UBFD1: variants seen among roughly 807,000 people sequenced by gnomAD.
UBFD1 encodes ubiquitin family domain containing 1, also known as ubiquitin domain-containing protein UBFD1.
In UBFD1, 12 loss-of-function variants were observed where a neutral mutation model predicts 35.1. The ratio of observed to expected loss-of-function variants is 0.34; its 90% CI spans 0.22 to 0.55. The LOEUF (loss-of-function observed/expected upper bound fraction) is 0.55. UBFD1 is among the 20% of genes least tolerant of loss of function. UBFD1 has a pLI of 0.89. For missense variants in UBFD1, 337 were observed against 410.8 expected (o/e 0.82, Z 1.55); for synonymous variants, 178 against 167.6 (o/e 1.06, Z -0.48).
intron 4 of UBFD1, 144 bp from the exon 5 acceptor site, chr16:23,562,481 T>G (rs1307470616): frequency 1.2e-6 from 1 of 817,850 alleles, no homozygotes; most frequent in African/African-American, 1.7e-5. Context: ...TTGCCCAGGC[T>G]AGTCTCCAAC....
chr16:23,558,076 G>A lies in UBFD1; in HGVS notation c.152G>A (p.Arg51Gln), dbSNP rs1369938606. The A allele has an allele frequency of 6.2e-6, 9 of 1,440,596 alleles. No individual in the cohort carries two copies. The African/African-American group carries it at 1.0e-4, about 17-fold the overall frequency. 89.2% of individuals were successfully genotyped at this position (1,440,596 alleles called of 1,614,324 possible). ...GCGGCCGAGGACTCCGGCGCCGCAC[G>A]AGGCAGCCTGCAGCCGGCCCCGGCC... ...GAAAEDSGAARGSLQPAPAQP... is the reference protein window; with the variant it reads ...GAAAEDSGAAQGSLQPAPAQP... The change falls in exon 2 of 7, where the codon CGA becomes CAA. Residue 51 changes from arginine (R) to glutamine (Q), a missense_variant. This residue lies in a region of UBFD1 where 198 missense variants were observed against 168.4 expected (regional missense o/e 1.18). Coordinates refer to ENST00000395878, the MANE Select transcript of UBFD1 (RefSeq NM_019116.3).
rs1966071367 is a variant in UBFD1 at position 23,570,692 on chromosome 16, A to G, written c.*102A>G. ...ATTTCAGAGTTCTGGAACTTTGTTC[A>G]TAAAAAATCTATATTCAATCTGAGG... On this transcript the variant is annotated 3_prime_UTR_variant, in exon 7 of 7. Coordinates refer to ENST00000395878, the MANE Select transcript of UBFD1 (RefSeq NM_019116.3). The G allele has an allele frequency of 2.1e-6, 2 of 954,444 alleles. No homozygotes were observed. Among genetic ancestry groups the G allele is most frequent in the Admixed American group, 2.4e-5 (1 of 41,400 alleles). The allele number at this position is 954,444 out of a possible 1,614,324, so 59.1% of individuals were successfully genotyped here.
chr16:23,562,093 TA>T, intron 3 of UBFD1, 112 bp from the exon 4 acceptor site: 1 of 944,600 alleles, frequency 1.1e-6, no homozygotes, highest in East Asian at 2.6e-5. Flanking sequence ...CTGTCGTCAT[TA>T]AAAGCTTTTG....
intron 3 of UBFD1, among the ~76,000 whole-genome samples, chr16:23,560,255 C>G (rs1567398068): frequency 6.6e-6 from 1 of 152,144 alleles, no homozygotes; most frequent in Non-Finnish European, 1.5e-5. Context: ...TGCAAGAGAT[C>G]CTGCCTTGTC....
chr16:23,562,677 A>G lies in UBFD1; in HGVS notation c.683A>G (p.Lys228Arg), dbSNP rs1358980540. The change falls in exon 5 of 7, where the codon AAA becomes AGA. Residue 228 changes from lysine to arginine, a missense_variant. Coordinates refer to ENST00000395878, the MANE Select transcript of UBFD1 (RefSeq NM_019116.3). ...LSGMYNKSGG[K>R]VRLTFKLEQD... ...GGCATGTACAATAAATCTGGAGGAA[A>G]AGTGAGACTCACCTTTAAACTAGAA... 2.5e-6 allele frequency: 4 copies of G among 1,614,182 alleles called. No homozygotes were observed. The highest frequency in any genetic ancestry group is 2.5e-6 in the Non-Finnish European group (3 of 1,180,030).
intron 1 of UBFD1, 25 bp from the exon 2 acceptor site, chr16:23,557,925 C>G: frequency 3.8e-6 from 5 of 1,303,120 alleles, no homozygotes; most frequent in Non-Finnish European, 4.9e-6. Flanking sequence ...CCGCGGCGAG[C>G]GCCCACCCCC....
At position 23,571,939 on chromosome 16, in the gene UBFD1, G is replaced by A. The variant is rs899719979; in HGVS notation, c.*1349G>A. On this transcript the variant is annotated 3_prime_UTR_variant, in exon 7 of 7. Coordinates refer to ENST00000395878, the MANE Select transcript of UBFD1 (RefSeq NM_019116.3). Reference sequence around the variant, plus strand: ...TGCTGTTTGCTGTTTCTCTGCTGCCGTCTTTGCAGTTCTCCTCTCACTGGT... The same window carrying A: ...TGCTGTTTGCTGTTTCTCTGCTGCCATCTTTGCAGTTCTCCTCTCACTGGT... The A allele has an allele frequency of 2.6e-5, 4 of 152,616 alleles. No homozygotes were observed. Among genetic ancestry groups the A allele is most frequent in the South Asian group, 2.1e-4 (1 of 4,830 alleles). 9.5% of individuals were successfully genotyped at this position (152,616 alleles called of 1,614,324 possible).
intron 2 of UBFD1, among the ~76,000 whole-genome samples, chr16:23,558,866 C>T (rs1412170598): frequency 6.6e-6 from 1 of 151,598 alleles, no homozygotes; most frequent in East Asian, 1.9e-4. Flanking sequence ...CTGCAGCCTC[C>T]GCCTCCCAGG....
chr16:23,559,724 C>T (rs1430443789), intron 3 of UBFD1, 48 bp downstream of exon 3: 7 of 1,611,112 alleles, frequency 4.3e-6, no homozygotes, highest in Non-Finnish European at 5.9e-6. Context: ...GAGGCTTTGT[C>T]CTCTTGAGCC....
rs1292058369 is a variant in UBFD1, at chr16:23,570,991, C to T, written c.*401C>T. ...TTTCAATTGAAATATTTTCATACATCTTTGGTTGCAAACATTTGGACTGCA... is the reference window on the plus strand; with the variant it reads ...TTTCAATTGAAATATTTTCATACATTTTTGGTTGCAAACATTTGGACTGCA... On this transcript the variant is annotated 3_prime_UTR_variant, in exon 7 of 7. Transcript: ENST00000395878. 6.7e-6 allele frequency: 1 copy of T among 149,174 alleles called. No individual in the cohort carries two copies. Among genetic ancestry groups the T allele is most frequent in the African/African-American group, 2.5e-5 (1 of 40,456 alleles). The allele number at this position is 149,174 out of a possible 1,614,324, so 9.2% of individuals were successfully genotyped here. A position where few individuals can be genotyped will look rare whatever the true frequency, so the allele number is the denominator to read the frequency against.
chr16:23,568,890 T>A (rs1966047610), intron 6 of UBFD1: 1 of 152,028 alleles, frequency 6.6e-6, no homozygotes, highest in Non-Finnish European at 1.5e-5. Flanking sequence ...CTGGGCCCCA[T>A]CACTCCTTTT....
intron 5 of UBFD1, among the ~76,000 whole-genome samples, 189 bp downstream of exon 5, chr16:23,562,919 C>T (rs1217479101): frequency 3.3e-5 from 5 of 152,206 alleles, no homozygotes; most frequent in African/African-American, 1.2e-4. Flanking sequence ...TCATTGTTTT[C>T]AGTCTGATCT....
intron 2 of UBFD1, chr16:23,559,193 T>C (rs1294006511): frequency 6.2e-6 from 2 of 320,618 alleles, no homozygotes; most frequent in African/African-American, 4.3e-5. Flanking sequence ...GAGCTAGTAC[T>C]TACTGAACAA....
At position 23,567,088 on chromosome 16, in the gene UBFD1, G is replaced by A. The variant is rs376987695; in HGVS notation, c.819+19G>A. 1 of 1,609,866 alleles carries A rather than the reference G, an allele frequency of 6.2e-7. No homozygotes were observed. The highest frequency in any genetic ancestry group is 8.5e-7 in the Non-Finnish European group (1 of 1,176,372). ...CATGATGGTAAGTAGCGCTGGCTGA[G>A]TTCAGCCCCTCTCACTAGACTCCCA... On this transcript the variant is annotated intron_variant, in intron 6 of 6. Transcript: ENST00000395878.
chr16:23,560,910 T>G (rs1965923573), intron 3 of UBFD1, among the ~76,000 whole-genome samples: 1 of 152,220 alleles, frequency 6.6e-6, no homozygotes, highest in Non-Finnish European at 1.5e-5. Context: ...TTGCCACATG[T>G]ATGAAATAGT....
In UBFD1 at chr16:23,570,675, GT is replaced by G. The variant is rs1331088833; in HGVS notation, c.*87del. Reference sequence around the variant, plus strand: ...GCCTGCAGCATCCCTGGATTTCAGAGTTCTGGAACTTTGTTCATAAAAAATC... The same window carrying G: ...GCCTGCAGCATCCCTGGATTTCAGAGTCTGGAACTTTGTTCATAAAAAATC... On this transcript the variant is annotated 3_prime_UTR_variant, in exon 7 of 7. Transcript: ENST00000395878. 6 of 1,125,702 alleles carry G rather than the reference GT, an allele frequency of 5.3e-6. No homozygotes were observed. Among genetic ancestry groups the G allele is most frequent in the Non-Finnish European group, 6.5e-6 (5 of 764,326 alleles). The allele number at this position is 1,125,702 out of a possible 1,614,324, so 69.7% of individuals were successfully genotyped here. A position where few individuals can be genotyped will look rare whatever the true frequency, so the allele number is the denominator to read the frequency against.
rs761098296 is a variant in UBFD1, at chr16:23,573,280, G to C, written c.*2690G>C. 6.6e-6 allele frequency: 1 copy of C among 152,230 alleles called. No individual in the cohort carries two copies. Among genetic ancestry groups the C allele is most frequent in the South Asian group, 2.1e-4 (1 of 4,834 alleles). 9.4% of individuals were successfully genotyped at this position (152,230 alleles called of 1,614,324 possible). A position where few individuals can be genotyped will look rare whatever the true frequency, so the allele number is the denominator to read the frequency against. On this transcript the variant is annotated 3_prime_UTR_variant, in exon 7 of 7. Coordinates refer to ENST00000395878, the MANE Select transcript of UBFD1 (RefSeq NM_019116.3). ...CGTTGACTCGAAGCTAGAGATGGAG[G>C]GGGTGGCCGTCTCTTAGACATTGGA...
chr16:23,567,198 T>G, intron 6 of UBFD1, 129 bp downstream of exon 6: 1 of 800,072 alleles, frequency 1.2e-6, no homozygotes, highest in Non-Finnish European at 2.0e-6. Context: ...TTTAAGACCC[T>G]GATGTTTTCT....
At position 23,558,092 on chromosome 16, in the gene UBFD1, G is replaced by A. The variant is rs766171056; in HGVS notation, c.168G>A (p.Pro56=). 9.9e-6 allele frequency: 15 copies of A among 1,510,286 alleles called. No individual in the cohort carries two copies. The highest frequency in any genetic ancestry group is 1.3e-5 in the Non-Finnish European group (15 of 1,135,300). 93.6% of individuals were successfully genotyped at this position (1,510,286 alleles called of 1,614,324 possible). The change falls in exon 2 of 7, where the codon CCG becomes CCA. Residue 56 remains proline, a synonymous_variant. Coordinates refer to ENST00000395878, the MANE Select transcript of UBFD1 (RefSeq NM_019116.3). The stretch of plus-strand genomic sequence containing the variant: ...GCGCCGCACGAGGCAGCCTGCAGCC[G>A]GCCCCGGCCCAGCCCCCTGGGGACC... ...DSGAARGSLQ[P]APAQPPGDPA... is the part of the protein sequence containing the mutation.
Sources: allele counts gnomAD v4.1 joint callset (sites outside exome capture counted in the v4.1 genomes callset), GRCh38; gene constraint gnomAD v4.1.1; regional missense constraint gnomAD v4.1.1; transcripts MANE v1.5; gene names NCBI Gene and HGNC (gene_info 2026-07-23, HGNC 2026-07-21).